The following PTPRM variants were observed in gnomAD, a reference collection of about 807,000 sequenced individuals.
PTPRM encodes receptor-type tyrosine-protein phosphatase mu.
Under a neutral mutation model 186.7 loss-of-function variants are expected in PTPRM, and 47 were observed. That is an observed-to-expected ratio of 0.25 (90% confidence interval 0.20 to 0.32). PTPRM has a LOEUF of 0.32. Among genes scored for constraint, PTPRM ranks in the 10% least tolerant of loss-of-function variants. The pLI is 1.00. For missense variants in PTPRM, 1,494 were observed against 1,865.0 expected (o/e 0.80, Z 3.66); for synonymous variants, 668 against 674.9 (o/e 0.99, Z 0.16).
intron 1 of PTPRM, among the ~76,000 whole-genome samples, chr18:7,708,165 A>G (rs779495885): frequency 2.0e-5 from 3 of 152,208 alleles, no homozygotes; most frequent in African/African-American, 7.2e-5. Flanking sequence ...GTTCAAGTAT[A>G]TATATTTTTG....
At chr18:7,781,571 C>T (rs544572673) in intron 2 of PTPRM, among the ~76,000 whole-genome samples, 17 of 152,132 alleles carry the variant, frequency 1.1e-4, no homozygotes, top group Non-Finnish European at 1.8e-4. Context: ...AGCATAGTCC[C>T]CATAGGTGGC....
intron 3 of PTPRM, among the ~76,000 whole-genome samples, chr18:7,893,561 G>A (rs1378420124): frequency 6.6e-6 from 1 of 152,122 alleles, no homozygotes; most frequent in Non-Finnish European, 1.5e-5. Context: ...TCATGCAGGT[G>A]GGCTACTACC....
At chr18:8,120,765 G>C (rs111494745) in intron 13 of PTPRM, among the ~76,000 whole-genome samples, 2,235 of 152,108 alleles carry the variant, frequency 0.015, 64 homozygotes, top group African/African-American at 0.051. Context: ...AAAGTGCTGG[G>C]ATTACTGGTG....
chr18:8,119,649 G>C (rs980234195), intron 13 of PTPRM, among the ~76,000 whole-genome samples: 1 of 152,062 alleles, frequency 6.6e-6, no homozygotes, highest in Non-Finnish European at 1.5e-5. Context: ...CTAAAGAAAA[G>C]AATCCGGAAA....
chr18:8,117,253 T>C (rs908999415), intron 13 of PTPRM, among the ~76,000 whole-genome samples: 8 of 152,182 alleles, frequency 5.3e-5, no homozygotes, highest in African/African-American at 1.7e-4. Context: ...ATGTTTAAAA[T>C]GTAGAAGAGT....
rs2052754757 is a variant in PTPRM, at chr18:7,949,076, G to A, written c.664-105G>A. 4 of 1,127,280 alleles carry A rather than the reference G, an allele frequency of 3.5e-6. No homozygotes were observed. In the East Asian group the frequency reaches 9.7e-5, roughly 27 times the overall value. 69.8% of individuals were successfully genotyped at this position (1,127,280 alleles called of 1,614,324 possible). A position where few individuals can be genotyped will look rare whatever the true frequency, so the allele number is the denominator to read the frequency against. On this transcript the variant is annotated intron_variant, in intron 5 of 32. Coordinates refer to ENST00000580170, the MANE Select transcript of PTPRM (RefSeq NM_001105244.2). ...CATGGGTAATAAGCAACTGCACCAA[G>A]GTCTGCATGAAAACAGCATGGATAA...
intron 19 of PTPRM, among the ~76,000 whole-genome samples, chr18:8,275,543 C>A (rs1045276722): frequency 1.3e-5 from 2 of 152,180 alleles, no homozygotes; most frequent in Admixed American, 6.5e-5. Flanking sequence ...GGCATGAATG[C>A]GGTCAGAAAG....
intron 29 of PTPRM, among the ~76,000 whole-genome samples, chr18:8,382,998 G>A (rs1184653034): frequency 6.6e-6 from 1 of 152,058 alleles, no homozygotes; most frequent in Non-Finnish European, 1.5e-5. Flanking sequence ...AGCTAAATCA[G>A]AAAGATAAAA....
chr18:8,109,461 G>C (rs1357122292), intron 11 of PTPRM, among the ~76,000 whole-genome samples: 4 of 152,178 alleles, frequency 2.6e-5, no homozygotes, highest in African/African-American at 9.7e-5. Flanking sequence ...TAATATATCT[G>C]AAGATGAGTG....
At position 8,194,065 on chromosome 18, in the gene PTPRM, G is replaced by T. The variant is rs74421150; in HGVS notation, c.2301-49993G>T. Among the ~76,000 whole-genome samples the T allele has an allele frequency of 3.5e-3, 532 of 152,310 alleles. 1 individual carries two copies. Among genetic ancestry groups the T allele is most frequent in the African/African-American group, 0.012 (490 of 41,574 alleles). ...CCTTGTCAGACAGGGGGCCTTGAGA[G>T]GCCATCGTGAAACCAAATTTTCTCT... On this transcript the variant is annotated intron_variant, in intron 14 of 32. Transcript: ENST00000580170.
intron 1 of PTPRM, among the ~76,000 whole-genome samples, chr18:7,726,133 C>T (rs1418639640): frequency 6.6e-6 from 1 of 152,140 alleles, no homozygotes; most frequent in Non-Finnish European, 1.5e-5. Context: ...TAGAATTCGC[C>T]CCTGCCAGCA....
At chr18:7,751,255 C>T (rs1227078081) in intron 1 of PTPRM, 2 of 152,386 alleles carry the variant, frequency 1.3e-5, no homozygotes, top group African/African-American at 2.4e-5. Flanking sequence ...ACATTTCTGC[C>T]TGTCTGCCGG....
At chr18:7,667,017 A>G (rs2039111614) in intron 1 of PTPRM, among the ~76,000 whole-genome samples, 1 of 152,232 alleles carries the variant, frequency 6.6e-6, no homozygotes, top group Non-Finnish European at 1.5e-5. Flanking sequence ...AGTAAACAAT[A>G]CTAGGGACCA....
At chr18:8,326,250 C>T (rs556704591) in intron 22 of PTPRM, among the ~76,000 whole-genome samples, 76 of 152,026 alleles carry the variant, frequency 5.0e-4, no homozygotes, top group Admixed American at 3.7e-3. Context: ...ATCTCTACAG[C>T]GAGAACTACA....
intron 14 of PTPRM, among the ~76,000 whole-genome samples, chr18:8,164,977 T>A (rs2093298026): frequency 6.6e-6 from 1 of 151,936 alleles, no homozygotes; most frequent in South Asian, 2.1e-4. Context: ...ATCCTGGCCA[T>A]CCTGGTTGAG....
At chr18:8,240,833 AG>A (rs2094426616) in intron 14 of PTPRM, among the ~76,000 whole-genome samples, 2 of 116,852 alleles carry the variant, frequency 1.7e-5, no homozygotes, top group Non-Finnish European at 3.5e-5. Flanking sequence ...AGAGAAAGAA[AG>A]AAAGAAAGAA....
At chr18:7,980,235 T>C (rs2082474570) in intron 7 of PTPRM, among the ~76,000 whole-genome samples, 1 of 152,124 alleles carries the variant, frequency 6.6e-6, no homozygotes, top group Non-Finnish European at 1.5e-5. Context: ...ATAAATCTCA[T>C]GTACTCTCTT....
At chr18:8,173,459 G>C (rs1398933260) in intron 14 of PTPRM, among the ~76,000 whole-genome samples, 1 of 152,170 alleles carries the variant, frequency 6.6e-6, no homozygotes, top group Non-Finnish European at 1.5e-5. Flanking sequence ...ACAAATAAAA[G>C]ATTAAATATG....
chr18:8,319,449 A>G (rs2095331916), intron 22 of PTPRM, among the ~76,000 whole-genome samples: 1 of 152,230 alleles, frequency 6.6e-6, no homozygotes, highest in South Asian at 2.1e-4. Flanking sequence ...TGAATTCAAT[A>G]TGTCTACCTT....
Sources: gnomAD v4.1 joint callset for allele counts (sites outside exome capture counted in the v4.1 genomes callset) on GRCh38, gnomAD v4.1.1 for gene constraint, MANE v1.5 for transcripts, NCBI Gene and HGNC (gene_info 2026-07-23, HGNC 2026-07-21) for gene names.